Variants in PRKD1 observed in about 807,000 individuals in gnomAD.
The protein encoded by PRKD1 is protein kinase D1, also known as serine/threonine-protein kinase D1.
A neutral mutation model predicts 95.9 loss-of-function variants in PRKD1; 63 were observed. The observed-to-expected ratio is 0.66, with a 90% CI of 0.54 to 0.81. PRKD1 has a LOEUF of 0.81. Ranked by LOEUF, PRKD1 falls within the 30% of genes least tolerant of loss-of-function variation. The probability of loss-of-function intolerance (pLI) is 0.00; values close to 1 mark genes in which losing one functional copy is unlikely to be tolerated. For missense variants in PRKD1, 1,048 were observed against 1,165.3 expected (o/e 0.90, Z 1.47); for synonymous variants, 425 against 423.1 (o/e 1.00, Z -0.05).
At chr14:29,595,815 T>G (rs1332061410) in intron 16 of PRKD1, among the ~76,000 whole-genome samples, 1 of 152,166 alleles carries the variant, frequency 6.6e-6, no homozygotes, top group Non-Finnish European at 1.5e-5. Context: ...TATTACGGAT[T>G]TGCATTCTGA....
chr14:29,731,256 G>T (rs985475955), intron 1 of PRKD1, among the ~76,000 whole-genome samples: 2 of 152,096 alleles, frequency 1.3e-5, no homozygotes, highest in South Asian at 4.1e-4. Flanking sequence ...GATTTTTCCA[G>T]ATAACTTTAT....
chr14:29,649,883 T>C (rs8012080), intron 4 of PRKD1, among the ~76,000 whole-genome samples: 5,492 of 152,222 alleles, frequency 0.036, 284 homozygotes, highest in African/African-American at 0.12. Context: ...TTAGACCAAT[T>C]AGACCTGGTT....
intron 16 of PRKD1, among the ~76,000 whole-genome samples, chr14:29,582,543 C>T (rs973424155): frequency 6.6e-6 from 1 of 152,132 alleles, no homozygotes; most frequent in Admixed American, 6.6e-5. Flanking sequence ...GAACATTTAC[C>T]CATCTCATAG....
intron 12 of PRKD1, 45 bp downstream of exon 12, chr14:29,626,439 A>G (rs2139097092): frequency 6.8e-7 from 1 of 1,469,856 alleles, no homozygotes; most frequent in Middle Eastern, 1.8e-4. Context: ...AAATATAACT[A>G]GCAAAAATTT....
intron 2 of PRKD1, among the ~76,000 whole-genome samples, chr14:29,696,150 T>C (rs986291925): frequency 3.3e-5 from 5 of 152,182 alleles, no homozygotes; most frequent in African/African-American, 1.2e-4. Flanking sequence ...GTCTAGTAAG[T>C]TAAAAAACAA....
chr14:29,896,384 A>ACACC (rs1251914135), intron 1 of PRKD1, among the ~76,000 whole-genome samples: 3 of 151,916 alleles, frequency 2.0e-5, no homozygotes, highest in East Asian at 1.9e-4. Flanking sequence ...ACACACACAC[A>ACACC]CACCCATCAA....
At chr14:29,677,799 AG>A (rs1429477903) in intron 2 of PRKD1, among the ~76,000 whole-genome samples, 8 of 152,216 alleles carry the variant, frequency 5.3e-5, no homozygotes, top group African/African-American at 1.9e-4. Flanking sequence ...TCCTGGCCTC[AG>A]GTGATCCACC....
At chr14:29,898,561 G>T (rs1037299123) in intron 1 of PRKD1, among the ~76,000 whole-genome samples, 2 of 152,068 alleles carry the variant, frequency 1.3e-5, no homozygotes, top group Non-Finnish European at 2.9e-5. Context: ...ATGACACTGT[G>T]TCACTTTACT....
At chr14:29,618,410 C>T (rs954028996) in intron 13 of PRKD1, among the ~76,000 whole-genome samples, 5 of 152,028 alleles carry the variant, frequency 3.3e-5, no homozygotes, top group African/African-American at 4.8e-5. Flanking sequence ...TGTGCACCAC[C>T]ACACCCAGCT....
At chr14:29,889,560 CA>C (rs1330263322) in intron 1 of PRKD1, among the ~76,000 whole-genome samples, 8 of 152,054 alleles carry the variant, frequency 5.3e-5, no homozygotes, top group African/African-American at 1.7e-4. Context: ...TAAGCAGCCA[CA>C]AAAAAGGATG....
intron 2 of PRKD1, among the ~76,000 whole-genome samples, chr14:29,718,199 C>T (rs10149407): frequency 0.39 from 59,214 of 152,028 alleles, 12,693 homozygotes; most frequent in African/African-American, 0.56. Context: ...GTAATCCCCA[C>T]GTGTCGAGGC....
chr14:29,657,269 T>C (rs1017467347), intron 4 of PRKD1: 3 of 152,234 alleles, frequency 2.0e-5, no homozygotes, highest in Non-Finnish European at 2.9e-5. Context: ...ATATTGAATA[T>C]GTTCTTTTTC....
At chr14:29,758,546 C>G (rs920872628) in intron 1 of PRKD1, among the ~76,000 whole-genome samples, 36 of 152,044 alleles carry the variant, frequency 2.4e-4, no homozygotes, top group Admixed American at 2.6e-4. Context: ...AGTCAGTTGG[C>G]AAATATATAA....
chr14:29,767,436 T>C (rs1888305015), intron 1 of PRKD1, among the ~76,000 whole-genome samples: 1 of 152,150 alleles, frequency 6.6e-6, no homozygotes, highest in Admixed American at 6.6e-5. Flanking sequence ...TGGTTATACC[T>C]TTTGGAGCCA....
chr14:29,877,573 T>A (rs1365817982), intron 1 of PRKD1, among the ~76,000 whole-genome samples: 1 of 152,260 alleles, frequency 6.6e-6, no homozygotes, highest in East Asian at 1.9e-4. Context: ...AGTTTCTATG[T>A]CCAGAATGGC....
intron 4 of PRKD1, among the ~76,000 whole-genome samples, chr14:29,645,569 A>G (rs181077592): frequency 6.6e-6 from 1 of 152,282 alleles, no homozygotes; most frequent in East Asian, 1.9e-4. Context: ...GTTCTCTCCT[A>G]TTGCCATCGA....
At chr14:29,826,237 T>C (rs1378086160) in intron 1 of PRKD1, among the ~76,000 whole-genome samples, 2 of 55,584 alleles carry the variant, frequency 3.6e-5, no homozygotes, top group South Asian at 1.8e-3. Context: ...GGAATATATA[T>C]ATACATATAT....
At chr14:29,874,403 G>T (rs1324635833) in intron 1 of PRKD1, among the ~76,000 whole-genome samples, 2 of 152,138 alleles carry the variant, frequency 1.3e-5, no homozygotes, top group Non-Finnish European at 2.9e-5. Flanking sequence ...GACCACTACG[G>T]AAAACAGTAT....
chr14:29,758,245 G>A (rs1187621485), intron 1 of PRKD1, among the ~76,000 whole-genome samples: 8 of 151,872 alleles, frequency 5.3e-5, no homozygotes, highest in Admixed American at 2.0e-4. Flanking sequence ...AAGAAAAAGA[G>A]GGAAGTGGTA....
Sources: gnomAD v4.1 joint callset for allele counts (sites outside exome capture counted in the v4.1 genomes callset) on GRCh38, gnomAD v4.1.1 for gene constraint, MANE v1.5 for transcripts, NCBI Gene and HGNC (gene_info 2026-07-23, HGNC 2026-07-21) for gene names.